HSF2: variants seen among roughly 807,000 people sequenced by gnomAD.
HSF2 encodes heat shock transcription factor 2, also known as heat shock factor protein 2.
A neutral mutation model predicts 65.0 loss-of-function variants in HSF2; 21 were observed. That is an observed-to-expected ratio of 0.32 (90% CI 0.23 to 0.47). HSF2 has a LOEUF of 0.47. Ranked by LOEUF, HSF2 falls within the 20% of genes least tolerant of loss-of-function variation. HSF2 has a pLI of 1.00. For synonymous variants in HSF2, 225 were observed against 219.1 expected (o/e 1.03, Z -0.24); for missense variants, 499 against 628.1 (o/e 0.79, Z 2.20).
chr6:122,407,146 A>G (rs1490258915), intron 1 of HSF2, among the ~76,000 whole-genome samples: 1 of 152,192 alleles, frequency 6.6e-6, no homozygotes, highest in Non-Finnish European at 1.5e-5. Context: ...AAAGAAGGAA[A>G]ATCAAGGGAG....
intron 1 of HSF2, among the ~76,000 whole-genome samples, chr6:122,400,920 C>G (rs1773716230): frequency 6.6e-6 from 1 of 152,192 alleles, no homozygotes; most frequent in Non-Finnish European, 1.5e-5. Flanking sequence ...TAAATGTTAT[C>G]TCCCGTCCTC....
chr6:122,418,258 A>G (rs45520435), intron 5 of HSF2, among the ~76,000 whole-genome samples: 1 of 152,174 alleles, frequency 6.6e-6, no homozygotes, highest in South Asian at 2.1e-4. Context: ...GAAGTTGGCA[A>G]TGTAATTTCA....
intron 5 of HSF2, among the ~76,000 whole-genome samples, 158 bp from the exon 6 acceptor site, chr6:122,419,010 G>A (rs934726128): frequency 6.6e-6 from 1 of 152,128 alleles, no homozygotes; most frequent in African/African-American, 2.4e-5. Context: ...TTCTTTAGAC[G>A]GTGGTTCTAC....
intron 10 of HSF2, among the ~76,000 whole-genome samples, chr6:122,426,985 G>C (rs1774352033): frequency 1.3e-5 from 2 of 151,902 alleles, no homozygotes; most frequent in African/African-American, 4.8e-5. Flanking sequence ...TCTTCCCCTA[G>C]TCTTCTCCTT....
At position 122,422,219 on chromosome 6, in the gene HSF2, G is replaced by A. The variant is rs778300789; in HGVS notation, c.751G>A (p.Val251Ile). The A allele has an allele frequency of 4.4e-6, 7 of 1,595,850 alleles. No individual in the cohort carries two copies. The highest frequency in any genetic ancestry group is 2.2e-5 in the East Asian group (1 of 44,674). Residue 251 changes from valine (V) to isoleucine (I), a missense_variant, in exon 8 of 13, where the codon GTT becomes ATT. By Grantham distance (29) the Val-to-Ile change is conservative. Coordinates refer to ENST00000368455, the MANE Select transcript of HSF2 (RefSeq NM_004506.4). ...TTCAGATGACATCATTATTTATGAT[G>A]TTACTGATGATAATGCAGATGAAGA... ...RISDDIIIYD[V>I]TDDNADEENI...
At chr6:122,425,779 G>A (rs921318211) in intron 10 of HSF2, among the ~76,000 whole-genome samples, 1 of 151,854 alleles carries the variant, frequency 6.6e-6, no homozygotes, top group African/African-American at 2.4e-5. Context: ...TTCTTCCTCT[G>A]TGAAGAGATT....
At chr6:122,417,405 T>C (rs1293314926) in intron 5 of HSF2, among the ~76,000 whole-genome samples, 4 of 152,156 alleles carry the variant, frequency 2.6e-5, no homozygotes, top group Middle Eastern at 3.2e-3. Flanking sequence ...ATTTTTTTTT[T>C]CCTGAAAGCA....
At chr6:122,426,071 A>T (rs950625127) in intron 10 of HSF2, among the ~76,000 whole-genome samples, 1 of 152,054 alleles carries the variant, frequency 6.6e-6, no homozygotes, top group Non-Finnish European at 1.5e-5. Context: ...AGTTTTCTAA[A>T]ATAGCATTCA....
intron 11 of HSF2, among the ~76,000 whole-genome samples, chr6:122,429,076 A>T (rs548784727): frequency 1.3e-5 from 2 of 152,224 alleles, no homozygotes; most frequent in South Asian, 2.1e-4. Flanking sequence ...GTTGCAAAAA[A>T]ACTTCATTTA....
At position 122,406,879 on chromosome 6, in the gene HSF2, G is replaced by GA. The variant is rs201750053; in HGVS notation, c.94-5485dup. Reference sequence around the variant, plus strand: ...AAAGGGATGAGGAAGTGCAGTGCTAGAAAAAAAAACAGGAGTATTTTTGAA... The same window carrying GA: ...AAAGGGATGAGGAAGTGCAGTGCTAGAAAAAAAAAACAGGAGTATTTTTGAA... On this transcript the variant is annotated intron_variant, in intron 1 of 12. Coordinates refer to ENST00000368455, the MANE Select transcript of HSF2 (RefSeq NM_004506.4). Among the ~76,000 whole-genome samples the GA allele has an allele frequency of 2.6e-3, 388 of 150,094 alleles. 2 individuals are homozygous for GA. Among genetic ancestry groups the GA allele is most frequent in the African/African-American group, 8.4e-3 (345 of 40,994 alleles).
chr6:122,418,043 T>C (rs1364584605), intron 5 of HSF2, among the ~76,000 whole-genome samples: 1 of 152,184 alleles, frequency 6.6e-6, no homozygotes, highest in Non-Finnish European at 1.5e-5. Flanking sequence ...TGTAAGGAAA[T>C]GCTCACTGTT....
chr6:122,416,197 G>C (rs746736313), intron 4 of HSF2, 24 bp from the exon 5 acceptor site: 1 of 1,437,462 alleles, frequency 7.0e-7, no homozygotes, highest in Non-Finnish European at 9.7e-7. Context: ...TTTTTGTTTT[G>C]TTGCTTAATA....
intron 1 of HSF2, among the ~76,000 whole-genome samples, chr6:122,405,606 C>G (rs1214681087): frequency 6.6e-6 from 1 of 152,078 alleles, no homozygotes; most frequent in African/African-American, 2.4e-5. Flanking sequence ...TGGTGTTGCT[C>G]TGGTGGAACT....
Position 122,399,670 on chromosome 6 carries a change from C to A in HSF2, c.-68C>A. 1 of 1,347,222 alleles carries A rather than the reference C, an allele frequency of 7.4e-7. No individual in the cohort carries two copies. Among genetic ancestry groups the A allele is most frequent in the South Asian group, 1.2e-5 (1 of 83,008 alleles). 83.5% of individuals were successfully genotyped at this position (1,347,222 alleles called of 1,614,324 possible). On this transcript the variant is annotated 5_prime_UTR_variant, in exon 1 of 13. Coordinates refer to ENST00000368455, the MANE Select transcript of HSF2 (RefSeq NM_004506.4). ...TGTGGGCGTTCTCGGGGAGCTGCTG[C>A]CGTAGCTGCCGCCGCCGCTACCACC... is the stretch of plus-strand genomic sequence containing the variant.
At chr6:122,416,124 G>A in intron 4 of HSF2, 97 bp from the exon 5 acceptor site, 1 of 729,124 alleles carries the variant, frequency 1.4e-6, no homozygotes. Context: ...AAAAACAAGT[G>A]TAGTTCAGTT....
chr6:122,411,239 A>T (rs572674), intron 1 of HSF2, among the ~76,000 whole-genome samples: 1 of 151,676 alleles, frequency 6.6e-6, no homozygotes, highest in East Asian at 1.9e-4. Flanking sequence ...TGCTTATTGG[A>T]AGTTTGTATA....
Position 122,399,710 on chromosome 6 carries a change from A to G in HSF2, c.-28A>G. 6.2e-7 allele frequency: 1 copy of G among 1,600,346 alleles called. No individual in the cohort carries two copies. Among genetic ancestry groups the G allele is most frequent in the African/African-American group, 1.4e-5 (1 of 73,952 alleles). ...CCGCTACCACCGCGTTCGGGTGTAG[A>G]ATTTGGAATCCCTGCGCCGCGTTAA... is the stretch of plus-strand genomic sequence containing the variant. On this transcript the variant is annotated 5_prime_UTR_variant, in exon 1 of 13. Coordinates refer to ENST00000368455, the MANE Select transcript of HSF2 (RefSeq NM_004506.4).
intron 12 of HSF2, 125 bp downstream of exon 12, chr6:122,431,639 C>T: frequency 1.9e-6 from 1 of 536,684 alleles, no homozygotes; most frequent in Non-Finnish European, 3.3e-6. Context: ...TGTCGAGGTT[C>T]TAGTATATAG....
At position 122,422,279 on chromosome 6, in the gene HSF2, G is replaced by A. The variant is rs933377374; in HGVS notation, c.811G>A (p.Val271Ile). The change falls in exon 8 of 13, where the codon GTT (valine) becomes ATT (isoleucine). Residue 271 changes from valine to isoleucine, a missense_variant. This residue lies in a region of HSF2 where 349 missense variants were observed against 393.5 expected (regional missense o/e 0.89). Transcript: ENST00000368455. ...IPVIPETNED[V>I]ISDPSNCSQY... ...AGTTATTCCAGAAACTAATGAGGAT[G>A]TTATATCTGATCCCTCCAAGTAAGG... 1.3e-6 allele frequency: 2 copies of A among 1,599,136 alleles called. No individual in the cohort carries two copies. Among genetic ancestry groups the A allele is most frequent in the Non-Finnish European group, 1.7e-6 (2 of 1,167,540 alleles).
Sources: gnomAD v4.1 joint callset for allele counts (sites outside exome capture counted in the v4.1 genomes callset) on GRCh38, gnomAD v4.1.1 for gene constraint, gnomAD v4.1.1 regional missense constraint, MANE v1.5 for transcripts, NCBI Gene and HGNC (gene_info 2026-07-23, HGNC 2026-07-21) for gene names.